FOXN3: variants seen among roughly 807,000 people sequenced by gnomAD.
The protein encoded by FOXN3 is forkhead box N3, also known as forkhead box protein N3.
FOXN3 carries 7 observed loss-of-function variants against 38.4 expected under a neutral mutation model. That is an observed-to-expected ratio of 0.18 (90% confidence interval 0.10 to 0.34). FOXN3 has a LOEUF of 0.34. Ranked by LOEUF, FOXN3 falls within the 10% of genes least tolerant of loss-of-function variation. The pLI, the probability that FOXN3 is intolerant of heterozygous loss-of-function variation, is 1.00. For missense variants in FOXN3, 456 were observed against 613.4 expected (o/e 0.74, Z 2.71); for synonymous variants, 230 against 242.2 (o/e 0.95, Z 0.47).
At chr14:89,482,072 A>G (rs1893343037) in intron 1 of FOXN3, among the ~76,000 whole-genome samples, 1 of 152,218 alleles carries the variant, frequency 6.6e-6, no homozygotes, top group Non-Finnish European at 1.5e-5. Context: ...TACTCCTTTT[A>G]AAGTTCTTTC....
chr14:89,310,571 T>TTAC (rs1367713072), intron 3 of FOXN3, among the ~76,000 whole-genome samples: 1 of 152,184 alleles, frequency 6.6e-6, no homozygotes, highest in African/African-American at 2.4e-5. Context: ...AAGCTCAAGG[T>TTAC]TACCTCTTCC....
intron 4 of FOXN3, among the ~76,000 whole-genome samples, chr14:89,279,252 C>T (rs940842671): frequency 2.0e-5 from 3 of 152,234 alleles, no homozygotes; most frequent in South Asian, 4.1e-4. Context: ...TTCACAGTTC[C>T]TAGAGCAACT....
At position 89,412,142 on chromosome 14, in the gene FOXN3, T is replaced by C; in HGVS notation, c.335A>G (p.Asn112Ser). The C allele has an allele frequency of 6.2e-7, 1 of 1,610,280 alleles. No individual in the cohort carries two copies. The highest frequency in any genetic ancestry group is 1.7e-5 in the Admixed American group (1 of 59,722). Residue 112 changes from asparagine (N) to serine (S), a missense_variant, in exon 2 of 6, where the codon AAC (asparagine) becomes AGC (serine). Around this residue, in one of 3 missense-constraint regions of FOXN3, gnomAD observed 386 missense variants for 505.2 expected, o/e 0.76. Transcript: ENST00000557258. The surrounding 1 kb of genome is among the most constrained non-coding windows in gnomAD (Gnocchi z 4.7). ...GCTGAAGGAGTAGGGGGGTTTGCAG[T>C]TGGGGTTCTGCCTGGCATCGTAGGG... ...DMPYDARQNPNCKPPYSFSCL... is the reference protein window; with the variant it reads ...DMPYDARQNPSCKPPYSFSCL...
intron 4 of FOXN3, among the ~76,000 whole-genome samples, chr14:89,251,942 A>G (rs1251025151): frequency 6.6e-6 from 1 of 152,218 alleles, no homozygotes; most frequent in Non-Finnish European, 1.5e-5. Flanking sequence ...GCATTCAAAG[A>G]CATTTGCTTT....
intron 1 of FOXN3, among the ~76,000 whole-genome samples, chr14:89,551,515 C>G (rs1895005446): frequency 6.6e-6 from 1 of 152,178 alleles, no homozygotes; most frequent in African/African-American, 2.4e-5. Context: ...CAGCACTCAG[C>G]TCCCTCCAAG....
intron 1 of FOXN3, among the ~76,000 whole-genome samples, chr14:89,488,581 G>A (rs1205646664): frequency 6.6e-6 from 1 of 151,496 alleles, no homozygotes; most frequent in Non-Finnish European, 1.5e-5. Flanking sequence ...TGAACTTAGA[G>A]GTCAAGGCCA....
At chr14:89,471,089 C>T (rs1232324968) in intron 1 of FOXN3, among the ~76,000 whole-genome samples, 1 of 152,114 alleles carries the variant, frequency 6.6e-6, no homozygotes, top group Non-Finnish European at 1.5e-5. Context: ...GAAAGTGGCC[C>T]TCTAGTTGGC....
intron 1 of FOXN3, among the ~76,000 whole-genome samples, chr14:89,518,499 A>C (rs1894251913): frequency 6.6e-6 from 1 of 152,198 alleles, no homozygotes; most frequent in African/African-American, 2.4e-5. Context: ...AATGGGAAAC[A>C]AGTTAGACAG....
chr14:89,227,666 C>G (rs983514866), intron 4 of FOXN3, among the ~76,000 whole-genome samples: 1 of 152,130 alleles, frequency 6.6e-6, no homozygotes, highest in African/African-American at 2.4e-5. Context: ...TTGTAACTGC[C>G]TTCTGGTAAT....
intron 3 of FOXN3, among the ~76,000 whole-genome samples, chr14:89,343,665 C>T (rs1338118837): frequency 7.0e-6 from 1 of 143,006 alleles, no homozygotes. Context: ...CGTTAAATTC[C>T]TCTGAGGAAG....
At chr14:89,432,410 A>G (rs545317009) in intron 1 of FOXN3, among the ~76,000 whole-genome samples, 35 of 152,308 alleles carry the variant, frequency 2.3e-4, no homozygotes, top group Non-Finnish European at 4.3e-4. Flanking sequence ...GTACCCAATG[A>G]CTGCGATCCA....
chr14:89,445,138 A>T (rs1467562118), intron 1 of FOXN3, among the ~76,000 whole-genome samples: 1 of 151,900 alleles, frequency 6.6e-6, no homozygotes, highest in Non-Finnish European at 1.5e-5. Context: ...CAATCTCAAA[A>T]ATAAAATAAA....
intron 4 of FOXN3, among the ~76,000 whole-genome samples, chr14:89,203,880 G>A (rs9635287): frequency 0.25 from 38,442 of 151,874 alleles, 4,921 homozygotes; most frequent in East Asian, 0.34. Context: ...ACTTCTGCAC[G>A]CCTTTAGTGC....
intron 4 of FOXN3, among the ~76,000 whole-genome samples, chr14:89,251,365 TA>T (rs1339483014): frequency 6.6e-6 from 1 of 152,262 alleles, no homozygotes; most frequent in Non-Finnish European, 1.5e-5. Flanking sequence ...CCAGGTCCCC[TA>T]ATTCTGGTGC....
intron 4 of FOXN3, among the ~76,000 whole-genome samples, chr14:89,227,946 C>T (rs1200333565): frequency 1.3e-5 from 2 of 152,142 alleles, no homozygotes; most frequent in Non-Finnish European, 2.9e-5. Context: ...ATGGGGTCTC[C>T]CCAGGCTGGT....
At chr14:89,523,797 C>T (rs1031848728) in intron 1 of FOXN3, among the ~76,000 whole-genome samples, 1 of 151,880 alleles carries the variant, frequency 6.6e-6, no homozygotes, top group Non-Finnish European at 1.5e-5. Flanking sequence ...GAGTCTCGCT[C>T]TGTCACCCAG....
At chr14:89,527,327 C>T (rs963128514) in intron 1 of FOXN3, among the ~76,000 whole-genome samples, 104 of 152,220 alleles carry the variant, frequency 6.8e-4, no homozygotes, top group African/African-American at 2.2e-3. Context: ...TAGGCAAATA[C>T]CTGTTAGATA....
intron 4 of FOXN3, among the ~76,000 whole-genome samples, chr14:89,222,685 C>G (rs1362109180): frequency 6.6e-6 from 1 of 152,106 alleles, no homozygotes; most frequent in East Asian, 1.9e-4. Flanking sequence ...CACCTTCCCA[C>G]CCAAATTCAC....
At chr14:89,366,480 T>C (rs1413176515) in intron 2 of FOXN3, among the ~76,000 whole-genome samples, 3 of 152,148 alleles carry the variant, frequency 2.0e-5, no homozygotes, top group Non-Finnish European at 4.4e-5. Context: ...AAGACATACA[T>C]TAAATTGCCC....
Sources: gnomAD v4.1 joint callset for allele counts (sites outside exome capture counted in the v4.1 genomes callset) on GRCh38, gnomAD v4.1.1 for gene constraint, gnomAD v4.1.1 regional missense constraint, Gnocchi (gnomAD v3.1) non-coding constraint, MANE v1.5 for transcripts, NCBI Gene and HGNC (gene_info 2026-07-23, HGNC 2026-07-21) for gene names.